MAP2K6: variants seen among roughly 807,000 people sequenced by gnomAD.
MAP2K6 encodes the protein dual specificity mitogen-activated protein kinase kinase 6.
In MAP2K6, 16 loss-of-function variants were observed where a neutral mutation model predicts 53.7. The ratio of observed to expected loss-of-function variants is 0.30; its 90% CI spans 0.20 to 0.45. The LOEUF is 0.45. MAP2K6 is among the 20% of genes least tolerant of loss of function. MAP2K6 has a pLI of 1.00. For synonymous variants in MAP2K6, 132 were observed against 143.1 expected (o/e 0.92, Z 0.55); for missense variants, 204 against 411.9 (o/e 0.50, Z 4.37).
chr17:69,549,215 C>T lies in MAP2K6; in HGVS notation c.*7462C>T, dbSNP rs1768500658. The T allele has an allele frequency of 6.6e-6, 1 of 152,078 alleles. No homozygotes were observed. The highest frequency in any genetic ancestry group is 2.4e-5 in the African/African-American group (1 of 41,418). The allele number at this position is 152,078 out of a possible 1,614,324, so 9.4% of individuals were successfully genotyped here. ...AGTATGAACAGAATTTTTTTGTGAA[C>T]AGTTAATCTTGATGTGCTCCATAGC... is the stretch of plus-strand genomic sequence containing the variant. On this transcript the variant is annotated 3_prime_UTR_variant, in exon 12 of 12. Coordinates refer to ENST00000590474, the MANE Select transcript of MAP2K6 (RefSeq NM_002758.4).
chr17:69,448,518 C>A (rs1323095485), intron 1 of MAP2K6, among the ~76,000 whole-genome samples: 1 of 152,142 alleles, frequency 6.6e-6, no homozygotes, highest in African/African-American at 2.4e-5. Flanking sequence ...GCTGCCGAGT[C>A]TGCCCATCAC....
At chr17:69,449,921 T>A (rs530458885) in intron 1 of MAP2K6, among the ~76,000 whole-genome samples, 6 of 149,662 alleles carry the variant, frequency 4.0e-5, no homozygotes, top group African/African-American at 1.2e-4. Context: ...CCTCTTTCTC[T>A]CTTTCTCTCT....
At position 69,548,571 on chromosome 17, in the gene MAP2K6, A is replaced by C. The variant is rs1439321524; in HGVS notation, c.*6818A>C. On this transcript the variant is annotated 3_prime_UTR_variant, in exon 12 of 12. Transcript: ENST00000590474. ...GAATGATACTTGGAAACTCCTTAAC[A>C]GGGCATATTGAAGTATTTGATCCAG... The C allele has an allele frequency of 6.6e-6, 1 of 152,186 alleles. No homozygotes were observed. Among genetic ancestry groups the C allele is most frequent in the African/African-American group, 2.4e-5 (1 of 41,454 alleles). The allele number at this position is 152,186 out of a possible 1,614,324, so 9.4% of individuals were successfully genotyped here.
Position 69,449,498 on chromosome 17 carries a change from C to CTTTCT in MAP2K6, c.16+34501_16+34502insCTTTT, listed in dbSNP as rs367699737. Among the ~76,000 whole-genome samples, 22 of 123,610 alleles carry CTTTCT rather than the reference C, an allele frequency of 1.8e-4. No individual in the cohort carries two copies. In the South Asian group the frequency reaches 5.8e-3, roughly 32 times the overall value. 81.1% of individuals were successfully genotyped at this position (123,610 alleles called of 152,430 possible). ...CTGAGGTGTTGGTTGTCCTTTCTTT[C>CTTTCT]TTTTTTCTTTCTTTCTTTGTCTTTC... is the stretch of plus-strand genomic sequence containing the variant. On this transcript the variant is annotated intron_variant, in intron 1 of 11. Coordinates refer to ENST00000590474, the MANE Select transcript of MAP2K6 (RefSeq NM_002758.4).
intron 11 of MAP2K6, among the ~76,000 whole-genome samples, chr17:69,539,490 C>T (rs1393266334): frequency 6.6e-6 from 1 of 152,178 alleles, no homozygotes; most frequent in Non-Finnish European, 1.5e-5. Flanking sequence ...AAAACCCACA[C>T]AAGAAGGCAA....
intron 1 of MAP2K6, among the ~76,000 whole-genome samples, chr17:69,437,799 A>G (rs1001281101): frequency 6.6e-6 from 1 of 152,192 alleles, no homozygotes; most frequent in Non-Finnish European, 1.5e-5. Flanking sequence ...GGATTCACCT[A>G]TTCTAGATAT....
At chr17:69,500,296 C>T (rs966287431) in intron 1 of MAP2K6, among the ~76,000 whole-genome samples, 2 of 151,186 alleles carry the variant, frequency 1.3e-5, no homozygotes, top group South Asian at 2.1e-4. Context: ...AAAAATTAGG[C>T]GGGTGGGGTG....
intron 1 of MAP2K6, among the ~76,000 whole-genome samples, chr17:69,419,913 C>CAAAAAA (rs56888655): frequency 7.3e-6 from 1 of 137,538 alleles, no homozygotes. Context: ...GACTTCATCT[C>CAAAAAA]AAAAAAAAAA....
At position 69,467,562 on chromosome 17, in the gene MAP2K6, C is replaced by T. The variant is rs535224775; in HGVS notation, c.17-38218C>T. 8.9e-4 allele frequency among the ~76,000 whole-genome samples: 136 copies of T among 152,206 alleles called. 1 individual carries two copies. Among genetic ancestry groups the T allele is most frequent in the East Asian group, 7.7e-4 (4 of 5,176 alleles). ...GACAGCTCTGGACTGAGTCTTTTTC[C>T]ATTTTCACTGTTGCTAGGTTGACTG... is the stretch of plus-strand genomic sequence containing the variant. On this transcript the variant is annotated intron_variant, in intron 1 of 11. Coordinates refer to ENST00000590474, the MANE Select transcript of MAP2K6 (RefSeq NM_002758.4).
At chr17:69,424,662 G>A (rs1046583884) in intron 1 of MAP2K6, among the ~76,000 whole-genome samples, 6 of 152,182 alleles carry the variant, frequency 3.9e-5, no homozygotes, top group Admixed American at 2.6e-4. Context: ...AGACATGGTC[G>A]AAGAATGAAA....
At chr17:69,480,594 C>T (rs1908316762) in intron 1 of MAP2K6, among the ~76,000 whole-genome samples, 1 of 152,146 alleles carries the variant, frequency 6.6e-6, no homozygotes, top group Non-Finnish European at 1.5e-5. Flanking sequence ...CATTCTTCCT[C>T]TTTTTGGATC....
intron 1 of MAP2K6, among the ~76,000 whole-genome samples, chr17:69,450,652 T>A (rs752301059): frequency 2.0e-5 from 3 of 152,074 alleles, no homozygotes; most frequent in Non-Finnish European, 2.9e-5. Flanking sequence ...CCTTGAGACA[T>A]TTTTAAGACT....
chr17:69,444,670 T>G (rs1972933), intron 1 of MAP2K6, among the ~76,000 whole-genome samples: 82,087 of 152,024 alleles, frequency 0.54, 22,552 homozygotes, highest in African/African-American at 0.61. Flanking sequence ...TTCTGAGGTT[T>G]CAGTGGTTGC....
chr17:69,500,574 G>A (rs1209959676), intron 1 of MAP2K6, among the ~76,000 whole-genome samples: 1 of 151,446 alleles, frequency 6.6e-6, no homozygotes, highest in Non-Finnish European at 1.5e-5. Context: ...GACCAACATG[G>A]TGAAACCCCA....
chr17:69,425,677 T>G (rs961675447), intron 1 of MAP2K6, among the ~76,000 whole-genome samples: 1 of 152,222 alleles, frequency 6.6e-6, no homozygotes, highest in Non-Finnish European at 1.5e-5. Flanking sequence ...TATGCCTCAG[T>G]TGTTTTTCAT....
chr17:69,468,075 T>C (rs1907871822), intron 1 of MAP2K6, among the ~76,000 whole-genome samples: 1 of 152,174 alleles, frequency 6.6e-6, no homozygotes, highest in South Asian at 2.1e-4. Flanking sequence ...CTTGGATTTC[T>C]TTACCTGGTT....
chr17:69,450,275 A>G (rs905795384), intron 1 of MAP2K6, among the ~76,000 whole-genome samples: 1 of 152,090 alleles, frequency 6.6e-6, no homozygotes, highest in African/African-American at 2.4e-5. Context: ...TTTTAAAGAT[A>G]CAGCATTTTA....
At chr17:69,535,461 C>A (rs571962444) in intron 10 of MAP2K6, among the ~76,000 whole-genome samples, 1 of 152,050 alleles carries the variant, frequency 6.6e-6, no homozygotes, top group African/African-American at 2.4e-5. Context: ...CATGGTGGCA[C>A]GTGCCTGTAA....
At chr17:69,449,541 C>A (rs1228831709) in intron 1 of MAP2K6, among the ~76,000 whole-genome samples, 15 of 99,470 alleles carry the variant, frequency 1.5e-4, no homozygotes, top group Admixed American at 2.0e-4. Context: ...GTCTTTCTTT[C>A]TTTCTTTCTT....
Sources: gnomAD v4.1 joint callset for allele counts (sites outside exome capture counted in the v4.1 genomes callset) on GRCh38, gnomAD v4.1.1 for gene constraint, MANE v1.5 for transcripts, NCBI Gene and HGNC (gene_info 2026-07-23, HGNC 2026-07-21) for gene names.